Variants in BIRC6 observed in about 807,000 individuals in gnomAD.
BIRC6 encodes baculoviral IAP repeat containing 6.
BIRC6 carries 98 observed loss-of-function variants against 503.3 expected under a neutral mutation model. That is an observed-to-expected ratio of 0.19 (90% CI 0.17 to 0.23). The LOEUF (loss-of-function observed/expected upper bound fraction) is 0.23, where lower values mean the gene tolerates loss of function less well. Ranked by LOEUF, BIRC6 falls within the 10% of genes least tolerant of loss-of-function variation. The pLI is 1.00. For missense variants in BIRC6, 5,360 were observed against 5,806.0 expected, an observed-to-expected ratio of 0.92 and a Z score of 2.50; for synonymous variants, 2,240 against 2,078.7, an observed-to-expected ratio of 1.08 and a Z score of -2.11.
intron 66 of BIRC6, 52 bp downstream of exon 66, chr2:32,575,418 A>T (rs1011968340): frequency 1.4e-5 from 22 of 1,526,084 alleles, no homozygotes; most frequent in Non-Finnish European, 2.0e-5. Context: ...CAATGTTTTT[A>T]AAATAACTCC....
intron 6 of BIRC6, among the ~76,000 whole-genome samples, chr2:32,400,541 G>A (rs1475074979): frequency 6.6e-6 from 1 of 151,926 alleles, no homozygotes; most frequent in African/African-American, 2.4e-5. Flanking sequence ...GTTTCACCGT[G>A]TTGGTCAGGC....
At chr2:32,424,424 T>G (rs1471311753) in intron 10 of BIRC6, among the ~76,000 whole-genome samples, 1 of 152,160 alleles carries the variant, frequency 6.6e-6, no homozygotes, top group Non-Finnish European at 1.5e-5. Context: ...CTATAAACAT[T>G]GGTGTACAAA....
chr2:32,547,832 A>T lies in BIRC6; in HGVS notation c.12811-18A>T, dbSNP rs780230007. On this transcript the variant is annotated intron_variant, in intron 63 of 73. Coordinates refer to ENST00000421745, the MANE Select transcript of BIRC6 (RefSeq NM_016252.4). ...CAAAAACAAATTGTAATGGATTTTC[A>T]TTTTTTGTTATTTTAAGCCACAGGT... 1.3e-6 allele frequency: 2 copies of T among 1,528,990 alleles called. No individual in the cohort carries two copies. The highest frequency in any genetic ancestry group is 2.5e-5 in the South Asian group (2 of 79,042). 94.7% of individuals were successfully genotyped at this position (1,528,990 alleles called of 1,614,324 possible). A position where few individuals can be genotyped will look rare whatever the true frequency, so the allele number is the denominator to read the frequency against.
chr2:32,361,454 A>G (rs1444115202), intron 1 of BIRC6, among the ~76,000 whole-genome samples: 1 of 152,142 alleles, frequency 6.6e-6, no homozygotes, highest in African/African-American at 2.4e-5. Context: ...GTGCTCACAC[A>G]GCCTCCCACC....
In BIRC6 at chr2:32,602,877, G is replaced by GTTTT. The variant is rs939624000; in HGVS notation, c.13993-128_13993-125dup. 7 of 666,848 alleles carry GTTTT rather than the reference G, an allele frequency of 1.0e-5. No homozygotes were observed. In the African/African-American group the frequency reaches 1.3e-4, roughly 12 times the overall value. 41.3% of individuals were successfully genotyped at this position (666,848 alleles called of 1,614,324 possible). On this transcript the variant is annotated intron_variant, in intron 70 of 73. Transcript: ENST00000421745. ...TTTGTTTTAACAGACAACCCTTAGG[G>GTTTT]TTTTATCTAGGGGACATATAAAACT...
intron 10 of BIRC6, among the ~76,000 whole-genome samples, chr2:32,418,409 AAG>A (rs1321416902): frequency 6.6e-6 from 1 of 152,222 alleles, no homozygotes. Flanking sequence ...GTAACTTATT[AAG>A]TAATAGAGCT....
chr2:32,477,622 G>A lies in BIRC6; in HGVS notation c.7068+39G>A, dbSNP rs749091958. 3.9e-6 allele frequency: 6 copies of A among 1,522,158 alleles called. No homozygotes were observed. The Admixed American group carries it at 1.1e-4, about 28-fold the overall frequency. 94.3% of individuals were successfully genotyped at this position (1,522,158 alleles called of 1,614,324 possible). On this transcript the variant is annotated intron_variant, in intron 35 of 73. Transcript: ENST00000421745. ...AAGTGTAGACTTACAGGGTTGGCCG[G>A]GCGCAGTGGCTCATGCCTGTAATCC... is the stretch of plus-strand genomic sequence containing the variant.
intron 36 of BIRC6, 34 bp from the exon 37 acceptor site, chr2:32,479,428 A>C (rs1165965730): frequency 6.4e-7 from 1 of 1,558,944 alleles, no homozygotes; most frequent in African/African-American, 1.4e-5. Context: ...AATCTGTATA[A>C]ATTATTAAAA....
At chr2:32,543,803 G>T (rs1192757097) in intron 62 of BIRC6, among the ~76,000 whole-genome samples, 1 of 152,192 alleles carries the variant, frequency 6.6e-6, no homozygotes, top group East Asian at 1.9e-4. Context: ...ACATGAAGCA[G>T]TTATTTAGAG....
chr2:32,397,627 TATGTATATATATAC>T (rs1290737771), intron 6 of BIRC6, among the ~76,000 whole-genome samples: 3 of 146,642 alleles, frequency 2.0e-5, no homozygotes, highest in Middle Eastern at 7.1e-3. Context: ...TATATATATA[TATGTATATATATAC>T]ACACACACAC....
intron 22 of BIRC6, among the ~76,000 whole-genome samples, chr2:32,450,223 A>G (rs1045668834): frequency 2.6e-5 from 4 of 152,208 alleles, no homozygotes; most frequent in Non-Finnish European, 5.9e-5. Context: ...TCACGCCTGT[A>G]ATCCCAGCAC....
intron 65 of BIRC6, among the ~76,000 whole-genome samples, chr2:32,562,431 A>G (rs1465665455): frequency 6.6e-6 from 1 of 152,218 alleles, no homozygotes; most frequent in Non-Finnish European, 1.5e-5. Context: ...TAATTGATGA[A>G]CTAATAGTGG....
At chr2:32,453,975 T>C (rs772195089) in intron 23 of BIRC6, 33 bp downstream of exon 23, 1 of 1,543,922 alleles carries the variant, frequency 6.5e-7, no homozygotes, top group South Asian at 1.2e-5. Context: ...TCTTTTATTA[T>C]ATACTTTATG....
chr2:32,372,028 C>T (rs1436925410), intron 1 of BIRC6, among the ~76,000 whole-genome samples: 6 of 152,026 alleles, frequency 3.9e-5, no homozygotes, highest in Non-Finnish European at 7.4e-5. Context: ...TGGTCTCGAA[C>T]TCCTGACCTC....
At chr2:32,532,352 CT>C in intron 61 of BIRC6, 1 of 426,618 alleles carries the variant, frequency 2.3e-6, no homozygotes, top group Non-Finnish European at 4.7e-6. Context: ...GTAGGGAAGA[CT>C]CCTTCCTTGC....
At chr2:32,406,662 A>G in intron 9 of BIRC6, 105 bp downstream of exon 9, 1 of 748,124 alleles carries the variant, frequency 1.3e-6, no homozygotes, top group Non-Finnish European at 2.2e-6. Context: ...GCTAACTCTA[A>G]ATTTTTGCTA....
chr2:32,485,680 A>G lies in BIRC6; in HGVS notation c.7734A>G (p.Gln2578=). 2 of 1,613,800 alleles carry G rather than the reference A, an allele frequency of 1.2e-6. No individual in the cohort carries two copies. Among genetic ancestry groups the G allele is most frequent in the Admixed American group, 1.7e-5 (1 of 60,010 alleles). ...GCCTAGAAGTTGGACTTGAACAGCA[A>G]GCAGAACTGATGTTGAAAATGATGT... is the stretch of plus-strand genomic sequence containing the variant. ...DARLEVGLEQ[Q]AELMLKMMST... Residue 2578 remains glutamine, a synonymous_variant, in exon 40 of 74, where the codon CAA becomes CAG. Coordinates refer to ENST00000421745, the MANE Select transcript of BIRC6 (RefSeq NM_016252.4).
chr2:32,458,157 A>C (rs1215137006), intron 23 of BIRC6, among the ~76,000 whole-genome samples: 1 of 152,052 alleles, frequency 6.6e-6, no homozygotes, highest in Non-Finnish European at 1.5e-5. Flanking sequence ...TGTCAGTCTT[A>C]TTATTGCTTT....
chr2:32,468,790 A>T lies in BIRC6; in HGVS notation c.6127+7A>T. Reference sequence around the variant, plus strand: ...CTGCTTCATGCTTCTAATGGTTTGTATTTGGCTTACATATTTTAAAGGCTG... The same window carrying T: ...CTGCTTCATGCTTCTAATGGTTTGTTTTTGGCTTACATATTTTAAAGGCTG... On this transcript the variant is annotated splice_region_variant and intron_variant, in intron 29 of 73. Transcript: ENST00000421745. The T allele has an allele frequency of 6.4e-7, 1 of 1,563,178 alleles. No individual in the cohort carries two copies. The highest frequency in any genetic ancestry group is 8.7e-7 in the Non-Finnish European group (1 of 1,146,692).
Sources: gnomAD v4.1 joint callset for allele counts (sites outside exome capture counted in the v4.1 genomes callset) on GRCh38, gnomAD v4.1.1 for gene constraint, MANE v1.5 for transcripts, NCBI Gene and HGNC (gene_info 2026-07-23, HGNC 2026-07-21) for gene names.